Variants in SRBD1 observed in about 807,000 individuals in gnomAD.
SRBD1 encodes the protein S1 RNA binding domain 1.
SRBD1 carries 88 observed loss-of-function variants against 115.3 expected under a neutral mutation model. The observed-to-expected ratio is 0.76, with a 90% CI of 0.64 to 0.91. The LOEUF (loss-of-function observed/expected upper bound fraction) is 0.91, where lower values mean the gene tolerates loss of function less well. SRBD1 is among the 40% of genes least tolerant of loss of function. SRBD1 has a pLI of 0.00. For missense variants in SRBD1, 1,385 were observed against 1,177.4 expected (o/e 1.18, Z -2.58); for synonymous variants, 509 against 407.7 (o/e 1.25, Z -2.99).
At chr2:45,395,547 C>A (rs1276534904) in intron 19 of SRBD1, among the ~76,000 whole-genome samples, 1 of 152,184 alleles carries the variant, frequency 6.6e-6, no homozygotes, top group African/African-American at 2.4e-5. Flanking sequence ...GCATTAGTAA[C>A]TGAAATCAAT....
chr2:45,478,074 A>C (rs1317713600), intron 15 of SRBD1, among the ~76,000 whole-genome samples: 1 of 152,110 alleles, frequency 6.6e-6, no homozygotes, highest in Non-Finnish European at 1.5e-5. Flanking sequence ...AATAGTTCTA[A>C]AGGCAGCCTC....
chr2:45,457,711 T>C (rs1176115676), intron 16 of SRBD1, among the ~76,000 whole-genome samples: 1 of 152,026 alleles, frequency 6.6e-6, no homozygotes, highest in Non-Finnish European at 1.5e-5. Context: ...TAACTGTCAC[T>C]AGCCACCTGG....
At chr2:45,499,072 T>A (rs182070073) in intron 14 of SRBD1, among the ~76,000 whole-genome samples, 1 of 152,292 alleles carries the variant, frequency 6.6e-6, no homozygotes, top group South Asian at 2.1e-4. Flanking sequence ...GGAACCCATA[T>A]AGAATTTTCC....
At chr2:45,594,391 G>A (rs930480023) in intron 4 of SRBD1, among the ~76,000 whole-genome samples, 3 of 152,142 alleles carry the variant, frequency 2.0e-5, no homozygotes, top group African/African-American at 7.2e-5. Flanking sequence ...CACCACTCCC[G>A]AAAGAAACTG....
At chr2:45,457,744 C>G (rs1056402197) in intron 16 of SRBD1, among the ~76,000 whole-genome samples, 1 of 151,984 alleles carries the variant, frequency 6.6e-6, no homozygotes, top group Non-Finnish European at 1.5e-5. Context: ...TAGTCTAATT[C>G]AGCTAACATT....
At chr2:45,389,989 T>C (rs192548743) in intron 20 of SRBD1, among the ~76,000 whole-genome samples, 6 of 152,300 alleles carry the variant, frequency 3.9e-5, no homozygotes, top group Admixed American at 1.3e-4. Flanking sequence ...GGAAGCTTTT[T>C]TTTTGGTTTT....
rs200325039 is a variant in SRBD1, at chr2:45,599,705, T to G, written c.392A>C (p.Lys131Thr). The change falls in exon 4 of 21, where the codon AAA becomes ACA. Residue 131 changes from lysine to threonine, a missense_variant. Lys to Thr is a moderately conservative substitution (Grantham distance 78, BLOSUM62 -1). Transcript: ENST00000263736. ...GGTTTCTTCTTCAACTTTCAGCTTT[T>G]TAGTCCTTCGAACTGTATGTGGCTG... is the stretch of plus-strand genomic sequence containing the variant. ...AAQPHTVRRT[K>T]KLKVEEETSK... 6.2e-7 allele frequency: 1 copy of G among 1,614,244 alleles called. No homozygotes were observed. The highest frequency in any genetic ancestry group is 1.3e-5 in the African/African-American group (1 of 75,068).
At chr2:45,606,596 T>A (rs937595056) in intron 1 of SRBD1, among the ~76,000 whole-genome samples, 6 of 152,168 alleles carry the variant, frequency 3.9e-5, no homozygotes, top group African/African-American at 1.4e-4. Flanking sequence ...TAAAAGTTCA[T>A]TAAACTTAAA....
intron 4 of SRBD1, among the ~76,000 whole-genome samples, chr2:45,594,414 C>T (rs1673828224): frequency 6.6e-6 from 1 of 152,220 alleles, no homozygotes; most frequent in Non-Finnish European, 1.5e-5. Flanking sequence ...CAACAACCAC[C>T]TTTGGAGCAG....
chr2:45,596,162 C>G (rs1198358566), intron 4 of SRBD1, among the ~76,000 whole-genome samples: 1 of 152,216 alleles, frequency 6.6e-6, no homozygotes, highest in East Asian at 1.9e-4. Flanking sequence ...AAGGACATTA[C>G]TGCTACTAGC....
At chr2:45,447,029 A>G (rs1206954543) in intron 16 of SRBD1, 1 of 152,216 alleles carries the variant, frequency 6.6e-6, no homozygotes, top group Non-Finnish European at 1.5e-5. Context: ...CTAATTTTCT[A>G]TGTACTACTA....
chr2:45,503,309 G>T (rs1316400832), intron 14 of SRBD1, among the ~76,000 whole-genome samples: 2 of 152,030 alleles, frequency 1.3e-5, no homozygotes, highest in African/African-American at 4.8e-5. Flanking sequence ...TATCACCTAG[G>T]AAGACTGGAT....
rs1345733370 is a variant in SRBD1, at chr2:45,605,396, C to T, written c.46G>A (p.Val16Ile). 2 of 1,613,736 alleles carry T rather than the reference C, an allele frequency of 1.2e-6. No homozygotes were observed. Among genetic ancestry groups the T allele is most frequent in the South Asian group, 2.2e-5 (2 of 91,074 alleles). The change falls in exon 2 of 21, where the codon GTA becomes ATA. Residue 16 changes from valine (V) to isoleucine (I), a missense_variant. Coordinates refer to ENST00000263736, the MANE Select transcript of SRBD1 (RefSeq NM_018079.5). ...AATGAAGAAAATTCATCTTTCAGTA[C>T]CACATCCTGGACCTGTACTTTCGCT... ...RRAKVQVQDV[V>I]LKDEFSSFSE... is the part of the protein sequence containing the mutation.
In SRBD1 at chr2:45,543,943, G is replaced by A. The variant is rs1050519522; in HGVS notation, c.1874+2789C>T. Among the ~76,000 whole-genome samples, 14 of 152,166 alleles carry A rather than the reference G, an allele frequency of 9.2e-5. No homozygotes were observed. In the South Asian group the frequency reaches 1.2e-3, roughly 14 times the overall value. The stretch of plus-strand genomic sequence containing the variant: ...TATAGGAGAAAGACTACCATCCAAA[G>A]CAAGTCTTAAATTGCAACAAAATGG... On this transcript the variant is annotated intron_variant, in intron 14 of 20. Transcript: ENST00000263736.
At chr2:45,586,197 G>T (rs1030975505) in intron 4 of SRBD1, among the ~76,000 whole-genome samples, 3 of 152,104 alleles carry the variant, frequency 2.0e-5, no homozygotes, top group African/African-American at 7.2e-5. Context: ...ACAAACTTTG[G>T]CCCAGCAGCA....
chr2:45,572,995 C>G (rs956658485), intron 9 of SRBD1, among the ~76,000 whole-genome samples: 5 of 152,122 alleles, frequency 3.3e-5, no homozygotes, highest in African/African-American at 1.2e-4. Flanking sequence ...GTCAGCTCTG[C>G]TAATAATTCT....
intron 19 of SRBD1, among the ~76,000 whole-genome samples, chr2:45,403,666 A>C (rs898612457): frequency 3.9e-5 from 6 of 152,162 alleles, no homozygotes; most frequent in African/African-American, 1.4e-4. Context: ...GGACAATTGA[A>C]GGAGCTCATG....
intron 15 of SRBD1, among the ~76,000 whole-genome samples, chr2:45,481,503 A>T (rs775144399): frequency 1.8e-4 from 28 of 152,140 alleles, no homozygotes; most frequent in Non-Finnish European, 3.5e-4. Context: ...GAAAAGGAGG[A>T]AGTAATGAAA....
At chr2:45,539,576 C>T (rs4952766) in intron 14 of SRBD1, among the ~76,000 whole-genome samples, 7 of 152,084 alleles carry the variant, frequency 4.6e-5, no homozygotes, top group African/African-American at 1.4e-4. Flanking sequence ...GCTGATGTAG[C>T]GGGGAACTAC....
Sources: allele counts gnomAD v4.1 joint callset (sites outside exome capture counted in the v4.1 genomes callset), GRCh38; gene constraint gnomAD v4.1.1; transcripts MANE v1.5; gene names NCBI Gene and HGNC (gene_info 2026-07-23, HGNC 2026-07-21).